Variants in DLG4 observed in about 807,000 individuals in gnomAD.
The protein encoded by DLG4 is discs large MAGUK scaffold protein 4, also known as disks large homolog 4.
A neutral mutation model predicts 93.8 loss-of-function variants in DLG4; 7 were observed. That is an observed-to-expected ratio of 0.07 (90% CI 0.04 to 0.14). The LOEUF is 0.14. Ranked by LOEUF, DLG4 falls within the 10% of genes least tolerant of loss-of-function variation. The pLI, the probability that DLG4 is intolerant of heterozygous loss-of-function variation, is 1.00. For missense variants in DLG4, 545 were observed against 992.9 expected (o/e 0.55, Z 6.06); for synonymous variants, 341 against 387.6 (o/e 0.88, Z 1.41).
intron 1 of DLG4, among the ~76,000 whole-genome samples, chr17:7,209,085 G>A (rs1256607146): frequency 6.6e-6 from 1 of 152,284 alleles, no homozygotes; most frequent in Middle Eastern, 3.4e-3. Context: ...ATGGGTGCCA[G>A]CCTCCCTGGT....
Position 7,190,487 on chromosome 17 carries a change from C to G in DLG4, c.*221G>C, listed in dbSNP as rs185380227. The stretch of plus-strand genomic sequence containing the variant: ...CTCGGAACAAGGAGCCCAGCTCCCC[C>G]CCAGACCCCAGGTTCCTGGCGTTCA... On this transcript the variant is annotated 3_prime_UTR_variant, in exon 20 of 20. Transcript: ENST00000399506. 59 of 558,314 alleles carry G rather than the reference C, an allele frequency of 1.1e-4. No individual in the cohort carries two copies. Among genetic ancestry groups the G allele is most frequent in the East Asian group, 9.0e-5 (3 of 33,444 alleles). 34.6% of individuals were successfully genotyped at this position (558,314 alleles called of 1,614,324 possible).
In DLG4 at chr17:7,196,529, A is replaced by G. The variant is rs1161750928; in HGVS notation, c.1130T>C (p.Ile377Thr). 1 of 1,614,022 alleles carries G rather than the reference A, an allele frequency of 6.2e-7. No individual in the cohort carries two copies. The change falls in exon 10 of 20, where the codon ATT becomes ACT. Residue 377 changes from isoleucine to threonine, a missense_variant. Physicochemically the swap from Ile to Thr is moderately conservative, Grantham distance 89. Transcript: ENST00000399506. The surrounding 1 kb of genome is among the most constrained non-coding windows in gnomAD (Gnocchi z 8.3). ...LRNASHEQAA[I>T]ALKNAGQTVT... ...CGTCTGACCCGCATTCTTCAGGGCA[A>G]TGGCAGCCTGCTCATGGCTGGCATT...
In DLG4 at chr17:7,194,015, G is replaced by A. The variant is rs1414502872; in HGVS notation, c.1479-15C>T. 6.2e-7 allele frequency: 1 copy of A among 1,613,192 alleles called. No individual in the cohort carries two copies. The highest frequency in any genetic ancestry group is 8.5e-7 in the Non-Finnish European group (1 of 1,179,616). On this transcript the variant is annotated splice_polypyrimidine_tract_variant and intron_variant, in intron 12 of 19. Coordinates refer to ENST00000399506, the MANE Select transcript of DLG4 (RefSeq NM_001321075.3). The surrounding 1 kb of genome is among the most constrained non-coding windows in gnomAD (Gnocchi z 4.4). ...GTCGCTCAACCCTGTGGGATACATG[G>A]AGGGATACGCGGGTAGGGGAATGCC... is the stretch of plus-strand genomic sequence containing the variant.
chr17:7,212,374 A>G (rs1010041458), intron 1 of DLG4, among the ~76,000 whole-genome samples: 1 of 152,202 alleles, frequency 6.6e-6, no homozygotes, highest in African/African-American at 2.4e-5. Flanking sequence ...TATATGCTAA[A>G]TCATCCCTTT....
At chr17:7,199,710 G>T (rs1196633369) in intron 8 of DLG4, among the ~76,000 whole-genome samples, 2 of 151,824 alleles carry the variant, frequency 1.3e-5, no homozygotes, top group African/African-American at 4.8e-5. Context: ...TGGGCACGGT[G>T]GCTCAGGCCT....
At position 7,192,804 on chromosome 17, in the gene DLG4, AGAG is replaced by A. The variant is rs1044720837; in HGVS notation, c.1866+138_1866+140del. 6.9e-5 allele frequency: 64 copies of A among 926,978 alleles called. No individual in the cohort carries two copies. In the African/African-American group the frequency reaches 9.0e-4, roughly 13 times the overall value. The allele number at this position is 926,978 out of a possible 1,614,324, so 57.4% of individuals were successfully genotyped here. ...GCAGGCAGTCAGACAGAGTTGCCCAAGAGGAGAAGGAGGTGGAGGAGCGGAGTG... is the reference window on the plus strand; with the variant it reads ...GCAGGCAGTCAGACAGAGTTGCCCAAGAGAAGGAGGTGGAGGAGCGGAGTG... On this transcript the variant is annotated intron_variant, in intron 17 of 19. Transcript: ENST00000399506.
chr17:7,202,770 G>T, intron 8 of DLG4, 133 bp downstream of exon 8: 1 of 1,092,440 alleles, frequency 9.2e-7, no homozygotes, highest in Non-Finnish European at 1.3e-6. Context: ...TCCAACAACA[G>T]CAAGGATCAG....
In DLG4 at chr17:7,195,345, G is replaced by A. The variant is rs761010509; in HGVS notation, c.1302-850C>T. On this transcript the variant is annotated intron_variant, in intron 11 of 19. Transcript: ENST00000399506. The surrounding 1 kb of genome is among the most constrained non-coding windows in gnomAD (Gnocchi z 4.3). Reference sequence around the variant, plus strand: ...CCACTACACAACCTCTGTGGTCACTGGGAGTCAGAACAACCTTGGGGACCA... The same window carrying A: ...CCACTACACAACCTCTGTGGTCACTAGGAGTCAGAACAACCTTGGGGACCA... Among the ~76,000 whole-genome samples the A allele has an allele frequency of 6.6e-6, 1 of 152,162 alleles. No individual in the cohort carries two copies. Among genetic ancestry groups the A allele is most frequent in the Non-Finnish European group, 1.5e-5 (1 of 68,026 alleles).
intron 2 of DLG4, among the ~76,000 whole-genome samples, chr17:7,204,694 C>T (rs1035148468): frequency 6.6e-6 from 1 of 152,148 alleles, no homozygotes; most frequent in Admixed American, 6.5e-5. Context: ...TCCACCGGGT[C>T]CTGGTCCCCA....
rs2069712676 is a variant in DLG4, at chr17:7,195,234, C to A, written c.1302-739G>T. On this transcript the variant is annotated intron_variant, in intron 11 of 19. Coordinates refer to ENST00000399506, the MANE Select transcript of DLG4 (RefSeq NM_001321075.3). The surrounding 1 kb of genome is among the most constrained non-coding windows in gnomAD (Gnocchi z 4.3). ...CAGAACCAGGGAAGTAATGAAGACA[C>A]AGAAGAAAGCAATGGGCCTGGAGAG... 6.6e-6 allele frequency among the ~76,000 whole-genome samples: 1 copy of A among 152,138 alleles called. No homozygotes were observed. Among genetic ancestry groups the A allele is most frequent in the Non-Finnish European group, 1.5e-5 (1 of 68,032 alleles).
intron 2 of DLG4, chr17:7,205,061 C>T: frequency 1.0e-6 from 1 of 985,500 alleles, no homozygotes; most frequent in Non-Finnish European, 1.2e-6. Context: ...TGGGCCCCGC[C>T]CCACGTTAGC....
chr17:7,217,925 G>T, upstream of DLG4: 1 of 1,091,044 alleles, frequency 9.2e-7, no homozygotes, highest in East Asian at 2.6e-5. Flanking sequence ...AGGGGGTCGG[G>T]TGTGAGGGAG....
chr17:7,219,943 T>C (rs767746963), upstream of DLG4: 2 of 741,524 alleles, frequency 2.7e-6, no homozygotes, highest in South Asian at 1.9e-5. Context: ...ACGCCAGAGC[T>C]GGGTCAGAGC....
In DLG4 at chr17:7,204,269, G is replaced by C. The variant is rs1295545184; in HGVS notation, c.97-17C>G. On this transcript the variant is annotated splice_polypyrimidine_tract_variant and intron_variant, in intron 2 of 19. Coordinates refer to ENST00000399506, the MANE Select transcript of DLG4 (RefSeq NM_001321075.3). ...AGAATTGGCCTGTTTGGGAAAACAA[G>C]AGACAAAAAGCAGCCTGAGCCTTGA... 2 of 1,570,714 alleles carry C rather than the reference G, an allele frequency of 1.3e-6. No individual in the cohort carries two copies. Among genetic ancestry groups the C allele is most frequent in the Admixed American group, 3.7e-5 (2 of 53,768 alleles).
rs1227907228 is a variant in DLG4, at chr17:7,194,844, C to T, written c.1302-349G>A. Reference sequence around the variant, plus strand: ...CAGGAGATTGAGACCATGGTGAAACCCCGTCTCTACTAAAAATACAAAATA... The same window carrying T: ...CAGGAGATTGAGACCATGGTGAAACTCCGTCTCTACTAAAAATACAAAATA... On this transcript the variant is annotated intron_variant, in intron 11 of 19. Transcript: ENST00000399506. This position sits in a 1 kb window ranked among gnomAD's most constrained non-coding sequence, Gnocchi z 4.4. Among the ~76,000 whole-genome samples the T allele has an allele frequency of 6.6e-6, 1 of 151,954 alleles. No individual in the cohort carries two copies. Among genetic ancestry groups the T allele is most frequent in the South Asian group, 2.1e-4 (1 of 4,794 alleles).
intron 1 of DLG4, among the ~76,000 whole-genome samples, chr17:7,211,012 A>G (rs1255631651): frequency 6.6e-6 from 1 of 150,838 alleles, no homozygotes; most frequent in Non-Finnish European, 1.5e-5. Flanking sequence ...AAAATGGGGA[A>G]CAAGAAATGG....
chr17:7,202,311 C>T (rs923519751), intron 8 of DLG4, among the ~76,000 whole-genome samples: 3 of 152,140 alleles, frequency 2.0e-5, no homozygotes, highest in African/African-American at 7.2e-5. Context: ...CAAATCCTCC[C>T]ACTTTGGCCT....
chr17:7,218,197 T>C (rs1597509403), upstream of DLG4: 1 of 1,569,806 alleles, frequency 6.4e-7, no homozygotes, highest in Non-Finnish European at 8.7e-7. Context: ...CCTCCAGCCC[T>C]GCCTGCCCCT....
At chr17:7,202,668 C>A in intron 8 of DLG4, 1 of 542,480 alleles carries the variant, frequency 1.8e-6, no homozygotes, top group Non-Finnish European at 3.3e-6. Flanking sequence ...ACAAAATTAG[C>A]CATAAAACCA....
Sources: allele counts gnomAD v4.1 joint callset (sites outside exome capture counted in the v4.1 genomes callset), GRCh38; gene constraint gnomAD v4.1.1; non-coding constraint Gnocchi (gnomAD v3.1); transcripts MANE v1.5; gene names NCBI Gene and HGNC (gene_info 2026-07-23, HGNC 2026-07-21).